The following DERA variants were observed in gnomAD, a reference collection of about 807,000 sequenced individuals.
The protein encoded by DERA is 2-deoxy-D-ribose 5-phosphate aldolase.
In DERA, 15 loss-of-function variants were observed where a neutral mutation model predicts 41.1. The observed-to-expected ratio is 0.37, with a 90% CI of 0.24 to 0.56. DERA has a LOEUF of 0.56. Ranked by LOEUF, DERA falls within the 20% of genes least tolerant of loss-of-function variation. DERA has a pLI of 0.81. For missense variants in DERA, 396 were observed against 403.4 expected, an observed-to-expected ratio of 0.98 and a Z score of 0.16; for synonymous variants, 139 against 137.4, an observed-to-expected ratio of 1.01 and a Z score of -0.08.
Position 15,959,233 on chromosome 12 carries a change from G to A in DERA, c.278-596G>A, listed in dbSNP as rs1162229179. On this transcript the variant is annotated intron_variant, in intron 3 of 8. Coordinates refer to ENST00000428559, the MANE Select transcript of DERA (RefSeq NM_015954.4). This position sits in a 1 kb window ranked among gnomAD's most constrained non-coding sequence, Gnocchi z 4.5. ...ATCACCTTATTTATTGCACTTAAAG[G>A]TAACAACTTGATGTAAGGTCTTATG... Among the ~76,000 whole-genome samples, 2 of 152,064 alleles carry A rather than the reference G, an allele frequency of 1.3e-5. No homozygotes were observed.
chr12:15,912,616 T>C (rs1948172641), intron 1 of DERA, among the ~76,000 whole-genome samples: 1 of 152,094 alleles, frequency 6.6e-6, no homozygotes, highest in South Asian at 2.1e-4. Context: ...TTAAATAGGA[T>C]ACATGTAAAG....
At position 15,999,132 on chromosome 12, in the gene DERA, T is replaced by TCAA. The variant is rs1948858641; in HGVS notation, c.637+16696_637+16697insCAA. 6.6e-6 allele frequency among the ~76,000 whole-genome samples: 1 copy of TCAA among 152,088 alleles called. No homozygotes were observed. Among genetic ancestry groups the TCAA allele is most frequent in the South Asian group, 2.1e-4 (1 of 4,820 alleles). ...AGGGCTGGAGGGAAGACTGAGGCAC[T>TCAA]GTGGGAGCGAGGAGGAGGCCAATCA... On this transcript the variant is annotated intron_variant, in intron 6 of 8. Coordinates refer to ENST00000428559, the MANE Select transcript of DERA (RefSeq NM_015954.4). This position sits in a 1 kb window ranked among gnomAD's most constrained non-coding sequence, Gnocchi z 5.3.
rs1185963006 is a variant in DERA at position 15,982,470 on chromosome 12, T to C, written c.637+34T>C. On this transcript the variant is annotated intron_variant, in intron 6 of 8. Transcript: ENST00000428559. The surrounding 1 kb of genome is among the most constrained non-coding windows in gnomAD (Gnocchi z 4.0). ...TTTATGTTCAAATAATGTTTTCTAT[T>C]GAATTGATGTTTTTAGGAGAAATTA... The C allele has an allele frequency of 2.6e-6, 4 of 1,566,610 alleles. No homozygotes were observed. Among genetic ancestry groups the C allele is most frequent in the Non-Finnish European group, 3.5e-6 (4 of 1,158,694 alleles).
At chr12:15,948,705 A>T (rs1948471446) in intron 1 of DERA, among the ~76,000 whole-genome samples, 1 of 152,194 alleles carries the variant, frequency 6.6e-6, no homozygotes, top group Non-Finnish European at 1.5e-5. Flanking sequence ...AACTCGTCAA[A>T]GTCATTCTCT....
At position 15,993,826 on chromosome 12, in the gene DERA, G is replaced by T. The variant is rs1398904439; in HGVS notation, c.637+11390G>T. On this transcript the variant is annotated intron_variant, in intron 6 of 8. Coordinates refer to ENST00000428559, the MANE Select transcript of DERA (RefSeq NM_015954.4). The surrounding 1 kb of genome is among the most constrained non-coding windows in gnomAD (Gnocchi z 4.4). ...AAAACACAGAGCTCTGTAGAGGAAAGAAGTTATCGTATTTTCTGGCTTCCC... is the reference window on the plus strand; with the variant it reads ...AAAACACAGAGCTCTGTAGAGGAAATAAGTTATCGTATTTTCTGGCTTCCC... Among the ~76,000 whole-genome samples the T allele has an allele frequency of 6.6e-6, 1 of 152,150 alleles. No individual in the cohort carries two copies. The highest frequency in any genetic ancestry group is 1.5e-5 in the Non-Finnish European group (1 of 68,028).
At chr12:16,028,569 G>A (rs1949069321) in intron 6 of DERA, among the ~76,000 whole-genome samples, 1 of 152,094 alleles carries the variant, frequency 6.6e-6, no homozygotes, top group African/African-American at 2.4e-5. Context: ...AGTACAGTAT[G>A]AAAAATGGGG....
chr12:16,004,300 G>C lies in DERA; in HGVS notation c.637+21864G>C, dbSNP rs973273992. The stretch of plus-strand genomic sequence containing the variant: ...AATAGATGCAGAGAAAAAATCAAAA[G>C]CACATATAATTCCCCCAGACCCTAC... On this transcript the variant is annotated intron_variant, in intron 6 of 8. Coordinates refer to ENST00000428559, the MANE Select transcript of DERA (RefSeq NM_015954.4). The surrounding 1 kb of genome is among the most constrained non-coding windows in gnomAD (Gnocchi z 4.2). Among the ~76,000 whole-genome samples the C allele has an allele frequency of 6.6e-6, 1 of 152,056 alleles. No individual in the cohort carries two copies. The highest frequency in any genetic ancestry group is 1.5e-5 in the Non-Finnish European group (1 of 68,002).
chr12:15,985,849 G>T lies in DERA; in HGVS notation c.637+3413G>T, dbSNP rs1233724550. Among the ~76,000 whole-genome samples, 1 of 152,106 alleles carries T rather than the reference G, an allele frequency of 6.6e-6. No individual in the cohort carries two copies. The highest frequency in any genetic ancestry group is 1.5e-5 in the Non-Finnish European group (1 of 67,994). On this transcript the variant is annotated intron_variant, in intron 6 of 8. Coordinates refer to ENST00000428559, the MANE Select transcript of DERA (RefSeq NM_015954.4). The surrounding 1 kb of genome is among the most constrained non-coding windows in gnomAD (Gnocchi z 4.2). ...ACTTAAAAGAATGTGTATTTCAGATGTTAGAGCAAATGTCAGATCGAATTG... is the reference window on the plus strand; with the variant it reads ...ACTTAAAAGAATGTGTATTTCAGATTTTAGAGCAAATGTCAGATCGAATTG...
chr12:15,986,339 T>C (rs1175477318), intron 6 of DERA, among the ~76,000 whole-genome samples: 1 of 152,218 alleles, frequency 6.6e-6, no homozygotes, highest in Admixed American at 6.5e-5. Flanking sequence ...GTAATTGATA[T>C]AGTAGGAGTT....
At chr12:15,955,655 A>G (rs1216018793) in intron 1 of DERA, among the ~76,000 whole-genome samples, 13 of 152,234 alleles carry the variant, frequency 8.5e-5, no homozygotes, top group African/African-American at 2.4e-4. Flanking sequence ...TTTAAATAAG[A>G]TCATTATTAA....
intron 1 of DERA, among the ~76,000 whole-genome samples, chr12:15,949,312 G>T (rs1284396735): frequency 1.3e-5 from 2 of 152,182 alleles, no homozygotes; most frequent in Non-Finnish European, 2.9e-5. Flanking sequence ...GTCTACAGAG[G>T]CAGGCAGGCC....
rs900595557 is a variant in DERA at position 16,000,202 on chromosome 12, G to A, written c.637+17766G>A. 6.6e-5 allele frequency among the ~76,000 whole-genome samples: 10 copies of A among 152,128 alleles called. No individual in the cohort carries two copies. The highest frequency in any genetic ancestry group is 1.9e-4 in the East Asian group (1 of 5,192). ...TCTTTTTCCCAGCCCAGGAACCAGC[G>A]CCTCTGTTTCCATTTATAAGACCTG... is the stretch of plus-strand genomic sequence containing the variant. On this transcript the variant is annotated intron_variant, in intron 6 of 8. Coordinates refer to ENST00000428559, the MANE Select transcript of DERA (RefSeq NM_015954.4). The surrounding 1 kb of genome is among the most constrained non-coding windows in gnomAD (Gnocchi z 4.8).
rs1260642840 is a variant in DERA, at chr12:15,943,199, T to C, written c.32-13737T>C. Among the ~76,000 whole-genome samples the C allele has an allele frequency of 6.6e-6, 1 of 152,236 alleles. No individual in the cohort carries two copies. The highest frequency in any genetic ancestry group is 2.4e-5 in the African/African-American group (1 of 41,466). On this transcript the variant is annotated intron_variant, in intron 1 of 8. Transcript: ENST00000428559. The surrounding 1 kb of genome is among the most constrained non-coding windows in gnomAD (Gnocchi z 4.5). ...AATCTTACAGATGCTTCTGAATCTT[T>C]GACTTTTCACTCTCCAGGTGAGAAT...
chr12:15,942,921 G>A (rs1948418962), intron 1 of DERA, among the ~76,000 whole-genome samples: 1 of 152,222 alleles, frequency 6.6e-6, no homozygotes, highest in Non-Finnish European at 1.5e-5. Context: ...GCATAAACCA[G>A]GCTTGTCTTG....
Position 15,911,391 on chromosome 12 carries a change from C to T in DERA, c.8C>T (p.Ala3Val). ...TCCGGAGCTGCCCGCGCCATGTCCGCGCACAATCGGGGCACCGAGCTCGGT... is the reference window on the plus strand; with the variant it reads ...TCCGGAGCTGCCCGCGCCATGTCCGTGCACAATCGGGGCACCGAGCTCGGT... MS[A>V]HNRGTELDLS... is the part of the protein sequence containing the mutation. Residue 3 changes from alanine to valine, a missense_variant, in exon 1 of 9, where the codon GCG (alanine) becomes GTG (valine). Ala to Val is a moderately conservative substitution (Grantham distance 64, BLOSUM62 0). Coordinates refer to ENST00000428559, the MANE Select transcript of DERA (RefSeq NM_015954.4). This position sits in a 1 kb window ranked among gnomAD's most constrained non-coding sequence, Gnocchi z 4.5. 1 of 1,405,422 alleles carries T rather than the reference C, an allele frequency of 7.1e-7. No individual in the cohort carries two copies. 87.1% of individuals were successfully genotyped at this position (1,405,422 alleles called of 1,614,324 possible).
At position 15,945,492 on chromosome 12, in the gene DERA, A is replaced by G. The variant is rs527698016; in HGVS notation, c.32-11444A>G. 7.2e-5 allele frequency among the ~76,000 whole-genome samples: 11 copies of G among 152,304 alleles called. No homozygotes were observed. In the East Asian group the frequency reaches 1.5e-3, roughly 21 times the overall value. On this transcript the variant is annotated intron_variant, in intron 1 of 8. Transcript: ENST00000428559. ...TAGGTATTTTATGCTCTTTGAAGCA[A>G]TAGTGAATGGGAGTTCACTCATGAT...
intron 6 of DERA, among the ~76,000 whole-genome samples, chr12:16,029,852 T>C (rs576148607): frequency 1.8e-4 from 28 of 151,706 alleles, no homozygotes; most frequent in Non-Finnish European, 2.5e-4. Context: ...TGATTAACTT[T>C]AGATGGTGTG....
In DERA at chr12:16,017,428, C is replaced by G. The variant is rs1053322821; in HGVS notation, c.638-15114C>G. 7.9e-5 allele frequency among the ~76,000 whole-genome samples: 12 copies of G among 152,172 alleles called. No individual in the cohort carries two copies. Among genetic ancestry groups the G allele is most frequent in the African/African-American group, 2.9e-4 (12 of 41,444 alleles). ...TTTTTCTTCTTATGCTTTTCTTTCT[C>G]TCTTTCTCTTTACCCCCTTTCTCAC... is the stretch of plus-strand genomic sequence containing the variant. On this transcript the variant is annotated intron_variant, in intron 6 of 8. Transcript: ENST00000428559. The surrounding 1 kb of genome is among the most constrained non-coding windows in gnomAD (Gnocchi z 5.5).
rs1362218323 is a variant in DERA at position 16,037,240 on chromosome 12, T to C, written c.*494T>C. 1 of 152,384 alleles carries C rather than the reference T, an allele frequency of 6.6e-6. No homozygotes were observed. Among genetic ancestry groups the C allele is most frequent in the African/African-American group, 2.4e-5 (1 of 41,460 alleles). The allele number at this position is 152,384 out of a possible 1,614,324, so 9.4% of individuals were successfully genotyped here. A position where few individuals can be genotyped will look rare whatever the true frequency, so the allele number is the denominator to read the frequency against. On this transcript the variant is annotated 3_prime_UTR_variant, in exon 9 of 9. Coordinates refer to ENST00000428559, the MANE Select transcript of DERA (RefSeq NM_015954.4). The surrounding 1 kb of genome is among the most constrained non-coding windows in gnomAD (Gnocchi z 6.7). ...TGTTGTCCTAATGAAATTTCTGACA[T>C]TGTCATATACAACGATGAATATCAT... is the stretch of plus-strand genomic sequence containing the variant.
Sources: allele counts gnomAD v4.1 joint callset (sites outside exome capture counted in the v4.1 genomes callset), GRCh38; gene constraint gnomAD v4.1.1; non-coding constraint Gnocchi (gnomAD v3.1); transcripts MANE v1.5; gene names NCBI Gene and HGNC (gene_info 2026-07-23, HGNC 2026-07-21).